Variants in THOP1 observed in about 807,000 individuals in gnomAD.
THOP1 encodes the protein thimet oligopeptidase.
Under a neutral mutation model 71.8 loss-of-function variants are expected in THOP1, and 49 were observed. That is an observed-to-expected ratio of 0.68 (90% CI 0.54 to 0.87). The LOEUF is 0.87. THOP1 is among the 40% of genes least tolerant of loss of function. The probability of loss-of-function intolerance (pLI) is 0.00; values close to 1 mark genes in which losing one functional copy is unlikely to be tolerated. For synonymous variants in THOP1, 426 were observed against 421.5 expected (o/e 1.01, Z -0.13); for missense variants, 843 against 975.6 (o/e 0.86, Z 1.81).
Position 2,799,677 on chromosome 19 carries a change from C to G in THOP1, c.487-12C>G. On this transcript the variant is annotated splice_polypyrimidine_tract_variant and intron_variant, in intron 4 of 12. Transcript: ENST00000307741. ...GTCTCTCCCTCCCCTCACGCCCCGC[C>G]TTTCTCTCCAGAACATCAAACGCAT... The G allele has an allele frequency of 6.2e-7, 1 of 1,611,892 alleles. No individual in the cohort carries two copies. The highest frequency in any genetic ancestry group is 8.5e-7 in the Non-Finnish European group (1 of 1,178,610).
rs1308735306 is a variant in THOP1 at position 2,812,453 on chromosome 19, C to T, written c.1909-662C>T. The T allele has an allele frequency of 1.2e-5, 16 of 1,379,904 alleles. 1 individual carries two copies. Among genetic ancestry groups the T allele is most frequent in the South Asian group, 8.1e-5 (5 of 62,086 alleles). 85.5% of individuals were successfully genotyped at this position (1,379,904 alleles called of 1,614,324 possible). A position where few individuals can be genotyped will look rare whatever the true frequency, so the allele number is the denominator to read the frequency against. ...GCCAGGACCTGGGGGAGCAATGGTC[C>T]GACAAGCCCCCTGTCTTCACAGCCC... On this transcript the variant is annotated intron_variant, in intron 12 of 12. Coordinates refer to ENST00000307741, the MANE Select transcript of THOP1 (RefSeq NM_003249.5).
chr19:2,797,479 G>A lies in THOP1; in HGVS notation c.486+1291G>A, dbSNP rs76455489. Among the ~76,000 whole-genome samples the A allele has an allele frequency of 5.2e-3, 799 of 152,318 alleles. 8 individuals are homozygous for A. Among genetic ancestry groups the A allele is most frequent in the African/African-American group, 0.018 (764 of 41,564 alleles). ...ACTTGGGCACTTGCTGTCCTGTGAC[G>A]CTGGGCGCCAGCCACAGCTACCAGC... On this transcript the variant is annotated intron_variant, in intron 4 of 12. Coordinates refer to ENST00000307741, the MANE Select transcript of THOP1 (RefSeq NM_003249.5).
At chr19:2,794,618 C>G (rs926447545) in intron 2 of THOP1, 146 bp from the exon 3 acceptor site, 4 of 981,668 alleles carry the variant, frequency 4.1e-6, no homozygotes, top group Non-Finnish European at 6.0e-6. Flanking sequence ...GCGTGTGCCT[C>G]TAGTCCCAGC....
Position 2,801,580 on chromosome 19 carries a change from C to T in THOP1, c.589+1789C>T, listed in dbSNP as rs928400274. On this transcript the variant is annotated intron_variant, in intron 5 of 12. Coordinates refer to ENST00000307741, the MANE Select transcript of THOP1 (RefSeq NM_003249.5). This position sits in a 1 kb window ranked among gnomAD's most constrained non-coding sequence, Gnocchi z 5.1. ...TGGTCCGTCATTTCTCAGGAGACGC[C>T]TTGCGATGGTCTTAGTTCCTTTTCT... is the stretch of plus-strand genomic sequence containing the variant. Among the ~76,000 whole-genome samples, 2 of 152,194 alleles carry T rather than the reference C, an allele frequency of 1.3e-5. No individual in the cohort carries two copies. Among genetic ancestry groups the T allele is most frequent in the Admixed American group, 6.5e-5 (1 of 15,280 alleles).
rs116042830 is a variant in THOP1, at chr19:2,809,336, G to A, written c.1455+892G>A. ...ATGGCCTCCTGGTGCTGAAGGAGAC[G>A]AGACAGTGCTCTGCACAACGCTTGG... On this transcript the variant is annotated intron_variant, in intron 9 of 12. Transcript: ENST00000307741. Among the ~76,000 whole-genome samples, 422 of 152,296 alleles carry A rather than the reference G, an allele frequency of 2.8e-3. 2 individuals are homozygous for A. Among genetic ancestry groups the A allele is most frequent in the Middle Eastern group, 0.01 (3 of 294 alleles).
chr19:2,787,924 A>T (rs1219297070), intron 1 of THOP1, among the ~76,000 whole-genome samples: 2 of 152,206 alleles, frequency 1.3e-5, no homozygotes, highest in African/African-American at 4.8e-5. Context: ...CCTGCATCTC[A>T]CTGCAGAAAG....
chr19:2,788,574 G>A (rs1393603170), intron 1 of THOP1, among the ~76,000 whole-genome samples: 1 of 152,096 alleles, frequency 6.6e-6, no homozygotes. Context: ...CACCTCCCAG[G>A]TCCAAGCGGT....
intron 1 of THOP1, among the ~76,000 whole-genome samples, chr19:2,789,587 CAGA>C (rs907534554): frequency 6.6e-6 from 1 of 152,140 alleles, no homozygotes; most frequent in African/African-American, 2.4e-5. Context: ...AAGAAGCAGA[CAGA>C]AGAAGGGACT....
rs1916463468 is a variant in THOP1 at position 2,811,603 on chromosome 19, A to G, written c.1777A>G (p.Asn593Asp). The G allele has an allele frequency of 6.2e-7, 1 of 1,612,882 alleles. No homozygotes were observed. The highest frequency in any genetic ancestry group is 8.5e-7 in the Non-Finnish European group (1 of 1,179,718). ...ILGVPATPGT[N>D]MPATFGHLAG... ...CTGCCATGTGTCCGCCCCAGGAACC[A>G]ACATGCCTGCAACCTTCGGCCATCT... Residue 593 changes from asparagine to aspartate, a missense_variant, in exon 12 of 13, where the codon AAC (asparagine) becomes GAC (aspartate). By Grantham distance (23) the Asn-to-Asp change is conservative. Transcript: ENST00000307741.
chr19:2,799,548 T>C, intron 4 of THOP1, 141 bp from the exon 5 acceptor site: 1 of 649,592 alleles, frequency 1.5e-6, no homozygotes. Flanking sequence ...GTCTCACTCT[T>C]TCCTCCTCGG....
chr19:2,812,325 G>GCCGGC (rs1474157712), intron 12 of THOP1: 1 of 1,535,120 alleles, frequency 6.5e-7, no homozygotes, highest in Non-Finnish European at 8.7e-7. Flanking sequence ...AGCTTTGAGG[G>GCCGGC]CCGGCCCTGC....
intron 5 of THOP1, among the ~76,000 whole-genome samples, chr19:2,800,492 A>G (rs1426126660): frequency 6.6e-6 from 1 of 152,218 alleles, no homozygotes; most frequent in Non-Finnish European, 1.5e-5. Context: ...AGGCCGGAAT[A>G]TTCTGATGGG....
In THOP1 at chr19:2,814,115, A is replaced by T. The variant is rs1916555533; in HGVS notation, c.*839A>T. The T allele has an allele frequency of 1.3e-5, 2 of 152,382 alleles. No homozygotes were observed. Among genetic ancestry groups the T allele is most frequent in the South Asian group, 2.1e-4 (1 of 4,832 alleles). The allele number at this position is 152,382 out of a possible 1,614,324, so 9.4% of individuals were successfully genotyped here. A position where few individuals can be genotyped will look rare whatever the true frequency, so the allele number is the denominator to read the frequency against. On this transcript the variant is annotated 3_prime_UTR_variant, in exon 13 of 13. Coordinates refer to ENST00000307741, the MANE Select transcript of THOP1 (RefSeq NM_003249.5). ...GGCCCTCATCCTCATGGCCTTGGGG[A>T]CTGCCTGTGCCTGCCCTCCCTGGCG...
chr19:2,788,311 G>A (rs1415374401), intron 1 of THOP1, among the ~76,000 whole-genome samples: 4 of 152,154 alleles, frequency 2.6e-5, no homozygotes, highest in Non-Finnish European at 5.9e-5. Flanking sequence ...CAGCTTCTGC[G>A]TTCTGAGCTA....
intron 2 of THOP1, among the ~76,000 whole-genome samples, chr19:2,793,318 A>G (rs1332528377): frequency 2.0e-5 from 3 of 152,082 alleles, no homozygotes; most frequent in Non-Finnish European, 4.4e-5. Flanking sequence ...GTCACGCTCC[A>G]TCTCCCCTGT....
intron 1 of THOP1, among the ~76,000 whole-genome samples, chr19:2,786,567 C>T (rs976186325): frequency 6.6e-6 from 1 of 151,774 alleles, no homozygotes; most frequent in African/African-American, 2.4e-5. Context: ...GGCAAAGGGG[C>T]GATGTGACCT....
Position 2,813,150 on chromosome 19 carries a change from C to T in THOP1, c.1944C>T (p.Pro648=), listed in dbSNP as rs142362077. 3.2e-4 allele frequency: 512 copies of T among 1,611,686 alleles called. 1 individual carries two copies. Among genetic ancestry groups the T allele is most frequent in the Admixed American group, 5.8e-4 (35 of 59,890 alleles). The change falls in exon 13 of 13, where the codon CCC becomes CCT. Residue 648 remains proline, a synonymous_variant. Transcript: ENST00000307741. ...ATTACAGAAGCTGCATCCTGAGACC[C>T]GGCGGTTCCGAGGATGCCAGCGCCA... ...GMDYRSCILR[P]GGSEDASAML... is the part of the protein sequence containing the mutation.
chr19:2,790,071 C>T (rs1209177996), intron 1 of THOP1, among the ~76,000 whole-genome samples: 3 of 152,166 alleles, frequency 2.0e-5, no homozygotes, highest in Non-Finnish European at 4.4e-5. Context: ...GGATTTTTAA[C>T]AGCAGTATCA....
At chr19:2,796,035 G>T in intron 3 of THOP1, 46 bp from the exon 4 acceptor site, 1 of 1,498,274 alleles carries the variant, frequency 6.7e-7, no homozygotes, top group Non-Finnish European at 9.3e-7. Flanking sequence ...TCTTTGGAGC[G>T]GCTGCACTGG....
Sources: allele counts gnomAD v4.1 joint callset (sites outside exome capture counted in the v4.1 genomes callset), GRCh38; gene constraint gnomAD v4.1.1; non-coding constraint Gnocchi (gnomAD v3.1); transcripts MANE v1.5; gene names NCBI Gene and HGNC (gene_info 2026-07-23, HGNC 2026-07-21).